HUS1: variants seen among roughly 807,000 people sequenced by gnomAD.
HUS1 encodes HUS1 checkpoint clamp component, also known as checkpoint protein HUS1.
In HUS1, 31 loss-of-function variants were observed where a neutral mutation model predicts 32.6. The ratio of observed to expected loss-of-function variants is 0.95; its 90% confidence interval spans 0.72 to 1.28. The LOEUF (loss-of-function observed/expected upper bound fraction) is 1.28. Ranked by LOEUF, HUS1 falls within the 50% of genes most tolerant of loss-of-function variation. HUS1 has a pLI of 0.00. For missense variants in HUS1, 340 were observed against 337.7 expected (o/e 1.01, Z -0.05); for synonymous variants, 123 against 116.6 (o/e 1.06, Z -0.36).
intron 1 of HUS1, 170 bp from the exon 2 acceptor site, chr7:47,978,986 C>T (rs1788768889): frequency 1.6e-6 from 1 of 634,146 alleles, no homozygotes; most frequent in Non-Finnish European, 2.7e-6. Context: ...CGCAATTCTC[C>T]CAACAAACTA....
chr7:47,965,273 C>T lies in HUS1; in HGVS notation c.*83G>A. On this transcript the variant is annotated 3_prime_UTR_variant, in exon 8 of 8. Coordinates refer to ENST00000258774, the MANE Select transcript of HUS1 (RefSeq NM_004507.4). Reference sequence around the variant, plus strand: ...GTGTCGATGTGCGGTGCTGTGAGGGCACAGACCAGTGATCAGAACACAACA... The same window carrying T: ...GTGTCGATGTGCGGTGCTGTGAGGGTACAGACCAGTGATCAGAACACAACA... 1.1e-6 allele frequency: 1 copy of T among 871,096 alleles called. No individual in the cohort carries two copies. Among genetic ancestry groups the T allele is most frequent in the Non-Finnish European group, 2.0e-6 (1 of 507,844 alleles). 54.0% of individuals were successfully genotyped at this position (871,096 alleles called of 1,614,324 possible).
At position 47,965,347 on chromosome 7, in the gene HUS1, G is replaced by T; in HGVS notation, c.*9C>A. 1 of 1,601,658 alleles carries T rather than the reference G, an allele frequency of 6.2e-7. No homozygotes were observed. The highest frequency in any genetic ancestry group is 1.1e-5 in the South Asian group (1 of 90,846). On this transcript the variant is annotated 3_prime_UTR_variant, in exon 8 of 8. Transcript: ENST00000258774. ...AAAGTCTCTGCATGCCAACTCCAGC[G>T]ACAGGGTGCTAGGACAGCGCAGGGA...
chr7:47,967,877 A>C lies in HUS1; in HGVS notation c.689T>G (p.Val230Gly). 6.2e-7 allele frequency: 1 copy of C among 1,614,004 alleles called. No individual in the cohort carries two copies. Residue 230 changes from valine (V) to glycine (G), a missense_variant, in exon 7 of 8, where the codon GTG becomes GGG. Coordinates refer to ENST00000258774, the MANE Select transcript of HUS1 (RefSeq NM_004507.4). ...EDRNVEHMAE[V>G]HIDIRKLLQF... ...TAGGAGCTTCCTAATATCTATGTGC[A>C]CTTCAGCCATGTGTTCCACGTTTCT...
At position 47,979,478 on chromosome 7, in the gene HUS1, G is replaced by T. The variant is rs973250941; in HGVS notation, c.42C>A (p.Asn14Lys). ...GGCCTCCCTGCTCACGTGTGAAGTG[G>T]TTCAGACAGGCCCCGTCCACGATCT... is the stretch of plus-strand genomic sequence containing the variant. ...RAKIVDGACL[N>K]HFTRISNMIA... Residue 14 changes from asparagine (N) to lysine (K), a missense_variant, in exon 1 of 8, where the codon AAC becomes AAA. By Grantham distance (94) the Asn-to-Lys change is moderately conservative. Coordinates refer to ENST00000258774, the MANE Select transcript of HUS1 (RefSeq NM_004507.4). The T allele has an allele frequency of 3.7e-6, 6 of 1,613,310 alleles. No individual in the cohort carries two copies. The highest frequency in any genetic ancestry group is 2.7e-5 in the African/African-American group (2 of 74,926).
chr7:47,970,358 C>T (rs3176568), intron 5 of HUS1, among the ~76,000 whole-genome samples: 18,373 of 150,576 alleles, frequency 0.12, 1,237 homozygotes, highest in East Asian at 0.22. Context: ...ACACAGCTGA[C>T]AGCACAGGAA....
chr7:47,970,253 A>AAG (rs1554292299), intron 5 of HUS1, among the ~76,000 whole-genome samples: 1 of 149,274 alleles, frequency 6.7e-6, no homozygotes, highest in Non-Finnish European at 1.5e-5. Flanking sequence ...AAAAAAAAAA[A>AAG]AGAGAAATGA....
intron 5 of HUS1, among the ~76,000 whole-genome samples, chr7:47,972,141 T>C (rs922359572): frequency 4.6e-5 from 7 of 152,202 alleles, no homozygotes; most frequent in African/African-American, 1.7e-4. Flanking sequence ...ACAATCTTTG[T>C]GAATATGCTA....
rs918057509 is a variant in HUS1, at chr7:47,975,710, G to A, written c.466-23C>T. The A allele has an allele frequency of 4.3e-6, 6 of 1,403,788 alleles. No homozygotes were observed. The African/African-American group carries it at 5.7e-5, about 13-fold the overall frequency. The allele number at this position is 1,403,788 out of a possible 1,614,324, so 87.0% of individuals were successfully genotyped here. A position where few individuals can be genotyped will look rare whatever the true frequency, so the allele number is the denominator to read the frequency against. Reference sequence around the variant, plus strand: ...AACCTACAAAACCAATGAGAAAAAAGCACAAGTATTAAAAATATTAATATA... The same window carrying A: ...AACCTACAAAACCAATGAGAAAAAAACACAAGTATTAAAAATATTAATATA... On this transcript the variant is annotated intron_variant, in intron 4 of 7. Transcript: ENST00000258774.
At chr7:47,978,165 C>A in intron 3 of HUS1, 2 of 401,874 alleles carry the variant, frequency 5.0e-6, no homozygotes, top group Non-Finnish European at 8.9e-6. Context: ...AATACCACTA[C>A]AAGAAACAGA....
At chr7:47,972,152 G>A (rs2128765597) in intron 5 of HUS1, among the ~76,000 whole-genome samples, 1 of 152,264 alleles carries the variant, frequency 6.6e-6, no homozygotes, top group Middle Eastern at 3.4e-3. Flanking sequence ...GAATATGCTA[G>A]ACTGCTTAGT....
intron 5 of HUS1, among the ~76,000 whole-genome samples, chr7:47,971,717 C>T (rs181600024): frequency 1.2e-3 from 177 of 152,232 alleles, no homozygotes; most frequent in Non-Finnish European, 1.9e-3. Context: ...ATTTTGCCAT[C>T]TAGTACTAGA....
chr7:47,979,571 C>T lies in HUS1; in HGVS notation c.-52G>A. 1 of 1,468,686 alleles carries T rather than the reference C, an allele frequency of 6.8e-7. No individual in the cohort carries two copies. The highest frequency in any genetic ancestry group is 9.5e-7 in the Non-Finnish European group (1 of 1,054,730). 91.0% of individuals were successfully genotyped at this position (1,468,686 alleles called of 1,614,324 possible). A position where few individuals can be genotyped will look rare whatever the true frequency, so the allele number is the denominator to read the frequency against. ...GCCTCTGTGGGTAACAGAAAAGCGT[C>T]GCGCCCTGAGTGTCCCCGCCCGGAA... On this transcript the variant is annotated 5_prime_UTR_variant, in exon 1 of 8. Coordinates refer to ENST00000258774, the MANE Select transcript of HUS1 (RefSeq NM_004507.4).
intron 7 of HUS1, among the ~76,000 whole-genome samples, chr7:47,966,397 C>A (rs1245282235): frequency 6.6e-6 from 1 of 152,214 alleles, no homozygotes; most frequent in Non-Finnish European, 1.5e-5. Context: ...TGGGAAGACA[C>A]TTGGCTTAGT....
intron 6 of HUS1, chr7:47,968,669 T>C (rs1198598327): frequency 1.3e-5 from 2 of 152,816 alleles, no homozygotes; most frequent in Non-Finnish European, 2.9e-5. Context: ...CCAGCCATGA[T>C]TCTAACCCCC....
chr7:47,978,487 TG>T lies in HUS1; in HGVS notation c.286del (p.Gln96ArgfsTer6), dbSNP rs771025598. The T allele has an allele frequency of 6.2e-7, 1 of 1,614,252 alleles. No individual in the cohort carries two copies. The highest frequency in any genetic ancestry group is 8.5e-7 in the Non-Finnish European group (1 of 1,180,026). ...ENLSRALKTA[Q>X]NARALKIKLT... Reference sequence around the variant, plus strand: ...TTTGATTTTCAAAGCCCTGGCATTCTGGGCAGTCTTCAAGGCTCGAGATAAG... The same window carrying T: ...TTTGATTTTCAAAGCCCTGGCATTCTGGCAGTCTTCAAGGCTCGAGATAAG... On this transcript the variant is annotated frameshift_variant, in exon 3 of 8. Transcript: ENST00000258774. LOFTEE classifies it high-confidence loss of function.
intron 7 of HUS1, among the ~76,000 whole-genome samples, chr7:47,965,769 A>T (rs1318664948): frequency 1.3e-5 from 2 of 152,172 alleles, no homozygotes; most frequent in Non-Finnish European, 2.9e-5. Context: ...CAGTGAGTGG[A>T]GGAACTGTGC....
chr7:47,967,359 C>T (rs1229242944), intron 7 of HUS1, among the ~76,000 whole-genome samples: 2 of 152,142 alleles, frequency 1.3e-5, no homozygotes, highest in Non-Finnish European at 2.9e-5. Context: ...TATGGGGCAG[C>T]GAATGCAGGC....
Position 47,979,449 on chromosome 7 carries a change from C to G in HUS1, c.52+19G>C, listed in dbSNP as rs113339499. ...TTCCTTCCGTTCCTCCCTCGCTCCT[C>G]TCCGGCCTCCCTGCTCACGTGTGAA... On this transcript the variant is annotated intron_variant, in intron 1 of 7. Transcript: ENST00000258774. 1 of 1,613,486 alleles carries G rather than the reference C, an allele frequency of 6.2e-7. No homozygotes were observed.
At chr7:47,976,931 C>A in intron 3 of HUS1, 94 bp from the exon 4 acceptor site, 3 of 765,570 alleles carry the variant, frequency 3.9e-6, no homozygotes, top group Non-Finnish European at 4.4e-6. Context: ...AGTTGAAATA[C>A]CAAATCTAAG....
Sources: gnomAD v4.1 joint callset for allele counts (sites outside exome capture counted in the v4.1 genomes callset) on GRCh38, gnomAD v4.1.1 for gene constraint, MANE v1.5 for transcripts, NCBI Gene and HGNC (gene_info 2026-07-23, HGNC 2026-07-21) for gene names.